Variants in RPRD2 observed in about 807,000 individuals in gnomAD.
RPRD2 encodes regulation of nuclear pre-mRNA domain containing 2, also known as regulation of nuclear pre-mRNA domain-containing protein 2.
RPRD2 carries 12 observed loss-of-function variants against 104.4 expected under a neutral mutation model. The observed-to-expected ratio is 0.11, with a 90% CI of 0.07 to 0.19. RPRD2 has a LOEUF of 0.19. Among genes scored for constraint, RPRD2 ranks in the 10% least tolerant of loss-of-function variants. The pLI, the probability that RPRD2 is intolerant of heterozygous loss-of-function variation, is 1.00. For missense variants in RPRD2, 1,543 were observed against 1,790.1 expected (o/e 0.86, Z 2.49); for synonymous variants, 714 against 684.9 (o/e 1.04, Z -0.66).
intron 1 of RPRD2, among the ~76,000 whole-genome samples, chr1:150,369,938 G>A (rs1217544173): frequency 1.3e-5 from 2 of 151,696 alleles, no homozygotes; most frequent in East Asian, 1.9e-4. Flanking sequence ...ATGCCACCAC[G>A]CCCAACTAAT....
chr1:150,394,192 A>G (rs1662311742), intron 1 of RPRD2, among the ~76,000 whole-genome samples: 1 of 151,814 alleles, frequency 6.6e-6, no homozygotes, highest in South Asian at 2.1e-4. Context: ...CTGGCATTAC[A>G]GGCATGCACC....
At chr1:150,372,657 A>G (rs587610764) in intron 1 of RPRD2, among the ~76,000 whole-genome samples, 1 of 152,294 alleles carries the variant, frequency 6.6e-6, no homozygotes, top group South Asian at 2.1e-4. Flanking sequence ...GCAGTTTTAC[A>G]TTAAATGGTA....
At chr1:150,379,550 G>A (rs1660976557) in intron 1 of RPRD2, among the ~76,000 whole-genome samples, 1 of 151,944 alleles carries the variant, frequency 6.6e-6, no homozygotes, top group Non-Finnish European at 1.5e-5. Context: ...TTACAGGCAT[G>A]TGCCACCATG....
At position 150,473,141 on chromosome 1, in the gene RPRD2, C is replaced by T. The variant is rs369152525; in HGVS notation, c.4193C>T (p.Pro1398Leu). 59 of 1,613,984 alleles carry T rather than the reference C, an allele frequency of 3.7e-5. No homozygotes were observed. The East Asian group carries it at 5.8e-4, about 16-fold the overall frequency. Residue 1398 changes from proline (P) to leucine (L), a missense_variant, in exon 11 of 11, where the codon CCC becomes CTC. Around this residue, in one of 4 missense-constraint regions of RPRD2, gnomAD observed 880 missense variants for 885.6 expected, o/e 0.99. Transcript: ENST00000369068. The part of the protein sequence containing the change: ...GGGSNSSSGP[P>L]LGPSHRDTIS... ...GGCAGCAACAGCAGCAGTGGCCCCC[C>T]CTTGGGTCCCTCACACAGAGACACC... is the stretch of plus-strand genomic sequence containing the variant.
chr1:150,424,580 G>A (rs12144091), intron 2 of RPRD2, among the ~76,000 whole-genome samples: 3 of 151,982 alleles, frequency 2.0e-5, no homozygotes, highest in Admixed American at 6.6e-5. Flanking sequence ...GCTACCGCAC[G>A]CGGCCCAGAT....
intron 1 of RPRD2, among the ~76,000 whole-genome samples, chr1:150,371,342 C>G (rs1572338101): frequency 6.6e-6 from 1 of 152,162 alleles, no homozygotes; most frequent in African/African-American, 2.4e-5. Context: ...GATTAGAAAA[C>G]AGAGGCACAA....
chr1:150,433,902 A>G (rs1665820670), intron 2 of RPRD2, among the ~76,000 whole-genome samples: 1 of 127,510 alleles, frequency 7.8e-6, no homozygotes. Flanking sequence ...ATATGTACAT[A>G]TGTATGTATA....
At chr1:150,420,918 A>AG (rs1230917278) in intron 2 of RPRD2, among the ~76,000 whole-genome samples, 20 of 152,316 alleles carry the variant, frequency 1.3e-4, no homozygotes, top group African/African-American at 4.8e-4. Flanking sequence ...TATCTACATC[A>AG]GGGGGGCAAC....
intron 5 of RPRD2, among the ~76,000 whole-genome samples, 195 bp downstream of exon 5, chr1:150,443,478 T>G (rs1450266979): frequency 1.3e-5 from 2 of 152,222 alleles, no homozygotes; most frequent in Non-Finnish European, 2.9e-5. Flanking sequence ...ATGGTAGAAA[T>G]AACCTTCTTC....
At chr1:150,376,290 A>C (rs1210403093) in intron 1 of RPRD2, among the ~76,000 whole-genome samples, 1 of 152,034 alleles carries the variant, frequency 6.6e-6, no homozygotes, top group Non-Finnish European at 1.5e-5. Context: ...ACTTACTTGC[A>C]CTTTCTAGTT....
rs1666765749 is a variant in RPRD2, at chr1:150,446,245, G to A, written c.714G>A (p.Lys238=). ...KCLKDKTGGK[K]FSKEFEEASS... is the part of the protein sequence containing the mutation. ...TTTTAGATAAAACAGGTGGGAAGAA[G>A]TTCTCCAAAGAATTTGAAGAGGCAA... Residue 238 remains lysine (K), a synonymous_variant, in exon 7 of 11, where the codon AAG becomes AAA. Transcript: ENST00000369068. The A allele has an allele frequency of 1.3e-6, 2 of 1,587,588 alleles. No homozygotes were observed. Among genetic ancestry groups the A allele is most frequent in the East Asian group, 4.5e-5 (2 of 44,590 alleles).
intron 2 of RPRD2, among the ~76,000 whole-genome samples, chr1:150,437,679 A>T (rs1406384462): frequency 6.6e-6 from 1 of 152,024 alleles, no homozygotes; most frequent in Non-Finnish European, 1.5e-5. Flanking sequence ...CCCTGGTCTC[A>T]ACCGATTCCC....
chr1:150,391,032 T>C (rs1336325307), intron 1 of RPRD2, among the ~76,000 whole-genome samples: 4 of 152,206 alleles, frequency 2.6e-5, no homozygotes, highest in Non-Finnish European at 5.9e-5. Flanking sequence ...CTATCCTCAG[T>C]ATACAGTATT....
At chr1:150,444,209 G>A in intron 5 of RPRD2, 42 bp from the exon 6 acceptor site, 1 of 1,580,046 alleles carries the variant, frequency 6.3e-7, no homozygotes. Flanking sequence ...GAGAATAATT[G>A]AATGATCTTG....
chr1:150,417,883 C>G (rs1553888873), intron 2 of RPRD2, among the ~76,000 whole-genome samples, 158 bp downstream of exon 2: 2 of 151,992 alleles, frequency 1.3e-5, no homozygotes, highest in Non-Finnish European at 1.5e-5. Context: ...ACACGTTTTT[C>G]TTTCTTTCTT....
intron 1 of RPRD2, among the ~76,000 whole-genome samples, chr1:150,394,029 TTTG>T (rs782212631): frequency 2.2e-4 from 34 of 152,194 alleles, no homozygotes; most frequent in African/African-American, 7.0e-4. Flanking sequence ...ATTAATGTTT[TTTG>T]TTGTTGTTGT....
intron 1 of RPRD2, among the ~76,000 whole-genome samples, chr1:150,387,350 G>A (rs1002063073): frequency 6.6e-6 from 1 of 152,006 alleles, no homozygotes; most frequent in Admixed American, 6.6e-5. Context: ...GAGTTTCAAG[G>A]TTAGTGCAAA....
chr1:150,473,167 A>G lies in RPRD2; in HGVS notation c.4219A>G (p.Ile1407Val). 1.9e-6 allele frequency: 3 copies of G among 1,614,010 alleles called. 1 individual carries two copies. The highest frequency in any genetic ancestry group is 2.2e-5 in the South Asian group (2 of 91,086). Residue 1407 changes from isoleucine (I) to valine (V), a missense_variant, in exon 11 of 11, where the codon ATC (isoleucine) becomes GTC (valine). By Grantham distance (29) the Ile-to-Val change is conservative. This residue lies in a region of RPRD2 where 880 missense variants were observed against 885.6 expected (regional missense o/e 0.99). Transcript: ENST00000369068. The part of the protein sequence containing the change: ...PPLGPSHRDT[I>V]SRSGIILRSP... ...CTTGGGTCCCTCACACAGAGACACCATCAGCCGGAGTGGTATAATCTTACG... is the reference window on the plus strand; with the variant it reads ...CTTGGGTCCCTCACACAGAGACACCGTCAGCCGGAGTGGTATAATCTTACG...
At position 150,446,216 on chromosome 1, in the gene RPRD2, G is replaced by A. The variant is rs782209278; in HGVS notation, c.695-10G>A. Reference sequence around the variant, plus strand: ...TTATCCTGAAATGAATATTTCCCATGTCATTTTAGATAAAACAGGTGGGAA... The same window carrying A: ...TTATCCTGAAATGAATATTTCCCATATCATTTTAGATAAAACAGGTGGGAA... On this transcript the variant is annotated splice_polypyrimidine_tract_variant and intron_variant, in intron 6 of 10. Coordinates refer to ENST00000369068, the MANE Select transcript of RPRD2 (RefSeq NM_015203.5). 1 of 1,525,474 alleles carries A rather than the reference G, an allele frequency of 6.6e-7. No individual in the cohort carries two copies. Among genetic ancestry groups the A allele is most frequent in the African/African-American group, 1.4e-5 (1 of 71,164 alleles). 94.5% of individuals were successfully genotyped at this position (1,525,474 alleles called of 1,614,324 possible). A position where few individuals can be genotyped will look rare whatever the true frequency, so the allele number is the denominator to read the frequency against.
Sources: gnomAD v4.1 joint callset for allele counts (sites outside exome capture counted in the v4.1 genomes callset) on GRCh38, gnomAD v4.1.1 for gene constraint, gnomAD v4.1.1 regional missense constraint, MANE v1.5 for transcripts, NCBI Gene and HGNC (gene_info 2026-07-23, HGNC 2026-07-21) for gene names.